Variants in FIG4 observed in about 807,000 individuals in gnomAD.
FIG4 encodes the protein polyphosphoinositide phosphatase.
In FIG4, 112 loss-of-function variants were observed where a neutral mutation model predicts 118.6. The ratio of observed to expected loss-of-function variants is 0.94; its 90% confidence interval spans 0.81 to 1.11. The LOEUF is 1.11. Ranked by LOEUF, FIG4 falls within the 50% of genes least tolerant of loss-of-function variation. FIG4 has a pLI of 0.00. For synonymous variants in FIG4, 369 were observed against 381.2 expected (o/e 0.97, Z 0.37); for missense variants, 969 against 1,111.7 (o/e 0.87, Z 1.83).
chr6:109,810,525 T>G (rs1778691042), intron 22 of FIG4, among the ~76,000 whole-genome samples: 1 of 152,200 alleles, frequency 6.6e-6, no homozygotes, highest in Admixed American at 6.5e-5. Context: ...AATTGAGTGC[T>G]CACTCAGTTG....
intron 10 of FIG4, among the ~76,000 whole-genome samples, chr6:109,745,328 G>A (rs978519107): frequency 2.6e-5 from 4 of 152,036 alleles, no homozygotes; most frequent in African/African-American, 7.2e-5. Context: ...TTAAATGATC[G>A]CCGTTCTAAC....
intron 1 of FIG4, among the ~76,000 whole-genome samples, chr6:109,709,934 AT>A (rs1170539811): frequency 2.6e-5 from 4 of 152,078 alleles, no homozygotes; most frequent in Non-Finnish European, 5.9e-5. Context: ...CTCTCTTCCT[AT>A]TTGGATACCT....
chr6:109,747,048 T>C (rs1776521879), intron 10 of FIG4, among the ~76,000 whole-genome samples: 1 of 151,508 alleles, frequency 6.6e-6, no homozygotes, highest in Non-Finnish European at 1.5e-5. Flanking sequence ...AGATCATGAG[T>C]GTAGTTTGGA....
At chr6:109,762,662 T>TTATG (rs1305321059) in intron 12 of FIG4, among the ~76,000 whole-genome samples, 2 of 151,586 alleles carry the variant, frequency 1.3e-5, no homozygotes, top group Non-Finnish European at 2.9e-5. Context: ...TACTATGTAT[T>TTATG]TATGGCATTT....
At chr6:109,824,959 C>T (rs1779115498) in intron 22 of FIG4, 129 bp from the exon 23 acceptor site, 1 of 843,180 alleles carries the variant, frequency 1.2e-6, no homozygotes, top group Non-Finnish European at 2.0e-6. Context: ...GGGAGGTCAT[C>T]CCAGCAGCTT....
At chr6:109,795,594 C>CTTTT (rs1562689132) in intron 21 of FIG4, among the ~76,000 whole-genome samples, 9 of 42,392 alleles carry the variant, frequency 2.1e-4, no homozygotes, top group East Asian at 8.1e-4. Flanking sequence ...TGGTTTCAGT[C>CTTTT]CTTTTTTTTT....
intron 1 of FIG4, among the ~76,000 whole-genome samples, chr6:109,707,152 T>C (rs1224446961): frequency 6.6e-6 from 1 of 151,988 alleles, no homozygotes; most frequent in Non-Finnish European, 1.5e-5. Flanking sequence ...TCCTAGGAGA[T>C]GTGGGATTGA....
Position 109,763,954 on chromosome 6 carries a change from G to A in FIG4, c.1406G>A (p.Gly469Glu). 1 of 1,610,206 alleles carries A rather than the reference G, an allele frequency of 6.2e-7. No individual in the cohort carries two copies. Among genetic ancestry groups the A allele is most frequent in the African/African-American group, 1.3e-5 (1 of 74,962 alleles). ...RPDEKWNELGGCVIPTGRLQT... is the reference protein window; with the variant it reads ...RPDEKWNELGECVIPTGRLQT... ...AAACACAGGTGGAATGAACTAGGAG[G>A]ATGTGTGATTCCCACTGGTCGCCTG... Residue 469 changes from glycine to glutamate, a missense_variant, in exon 13 of 23, where the codon GGA (glycine) becomes GAA (glutamate). Around this residue, in one of 3 missense-constraint regions of FIG4, gnomAD observed 246 missense variants for 354.3 expected, o/e 0.69. Coordinates refer to ENST00000230124, the MANE Select transcript of FIG4 (RefSeq NM_014845.6).
chr6:109,806,461 G>A (rs948983707), intron 22 of FIG4, among the ~76,000 whole-genome samples: 3 of 151,906 alleles, frequency 2.0e-5, no homozygotes, highest in Non-Finnish European at 4.4e-5. Context: ...CCCATAATGT[G>A]CACACATGTG....
intron 18 of FIG4, among the ~76,000 whole-genome samples, chr6:109,789,026 T>A (rs898749595): frequency 6.6e-6 from 1 of 152,264 alleles, no homozygotes; most frequent in Non-Finnish European, 1.5e-5. Context: ...AACCTCAGCC[T>A]AATGAGGTAG....
intron 10 of FIG4, among the ~76,000 whole-genome samples, chr6:109,751,659 A>C (rs930108085): frequency 6.6e-6 from 1 of 152,060 alleles, no homozygotes; most frequent in Non-Finnish European, 1.5e-5. Flanking sequence ...GTATGTGTGC[A>C]GGAATTTATC....
At chr6:109,721,446 T>C (rs1315513496) in intron 3 of FIG4, among the ~76,000 whole-genome samples, 1 of 152,084 alleles carries the variant, frequency 6.6e-6, no homozygotes, top group East Asian at 1.9e-4. Context: ...CTGATGAGGG[T>C]CCTCTCCAGC....
chr6:109,691,593 T>A, intron 1 of FIG4, 92 bp downstream of exon 1: 1 of 1,092,882 alleles, frequency 9.2e-7, no homozygotes, highest in Non-Finnish European at 1.4e-6. Flanking sequence ...CTCTGCCTCC[T>A]CCTCCTTCCT....
intron 16 of FIG4, among the ~76,000 whole-genome samples, chr6:109,779,229 C>T (rs1413496876): frequency 6.6e-6 from 1 of 152,036 alleles, no homozygotes; most frequent in Non-Finnish European, 1.5e-5. Context: ...TTTTGTATTA[C>T]TTTAAAGTGT....
intron 7 of FIG4, among the ~76,000 whole-genome samples, chr6:109,738,854 C>T (rs750274816): frequency 1.2e-4 from 19 of 152,104 alleles, no homozygotes; most frequent in Non-Finnish European, 2.6e-4. Flanking sequence ...AGATCACAGC[C>T]TGGGAAACAC....
At chr6:109,727,727 C>T (rs1300174714) in intron 4 of FIG4, among the ~76,000 whole-genome samples, 1 of 152,046 alleles carries the variant, frequency 6.6e-6, no homozygotes, top group African/African-American at 2.4e-5. Flanking sequence ...ACGAAACTGA[C>T]ATTGTTTGAC....
At chr6:109,803,877 T>C (rs1203791232) in intron 22 of FIG4, among the ~76,000 whole-genome samples, 1 of 151,288 alleles carries the variant, frequency 6.6e-6, no homozygotes, top group East Asian at 2.0e-4. Context: ...TGTTTGATAG[T>C]TCATGTCCTT....
intron 10 of FIG4, among the ~76,000 whole-genome samples, chr6:109,754,292 A>G (rs963938962): frequency 6.6e-6 from 1 of 152,198 alleles, no homozygotes; most frequent in African/African-American, 2.4e-5. Flanking sequence ...GATGAAGCCC[A>G]CTTGATCATG....
At chr6:109,801,055 A>C (rs533770309) in intron 22 of FIG4, among the ~76,000 whole-genome samples, 40 of 152,344 alleles carry the variant, frequency 2.6e-4, no homozygotes, top group African/African-American at 8.9e-4. Flanking sequence ...GATTTTAACT[A>C]AGCCAATCAG....
Sources: gnomAD v4.1 joint callset for allele counts (sites outside exome capture counted in the v4.1 genomes callset) on GRCh38, gnomAD v4.1.1 for gene constraint, gnomAD v4.1.1 regional missense constraint, MANE v1.5 for transcripts, NCBI Gene and HGNC (gene_info 2026-07-23, HGNC 2026-07-21) for gene names.